Variants in ATP2A2 observed in about 807,000 individuals in gnomAD.
The protein encoded by ATP2A2 is ATPase sarcoplasmic/endoplasmic reticulum Ca2+ transporting 2.
A neutral mutation model predicts 109.3 loss-of-function variants in ATP2A2; 14 were observed. That is an observed-to-expected ratio of 0.13 (90% CI 0.08 to 0.20). The LOEUF (loss-of-function observed/expected upper bound fraction) is 0.20, where lower values mean the gene tolerates loss of function less well. Among genes scored for constraint, ATP2A2 ranks in the 10% least tolerant of loss-of-function variants. The probability of loss-of-function intolerance (pLI) is 1.00; values close to 1 mark genes in which losing one functional copy is unlikely to be tolerated. For missense variants in ATP2A2, 657 were observed against 1,321.6 expected (o/e 0.50, Z 7.80); for synonymous variants, 506 against 490.9 (o/e 1.03, Z -0.41).
At chr12:110,338,744 C>T (rs1046239494) in intron 11 of ATP2A2, among the ~76,000 whole-genome samples, 2 of 152,326 alleles carry the variant, frequency 1.3e-5, no homozygotes, top group East Asian at 3.9e-4. Flanking sequence ...TGAGACCCTC[C>T]GTTGTCTTCT....
rs1012904974 is a variant in ATP2A2, at chr12:110,281,730, C to G, written c.-60C>G. ...GTGGCACGAGCCCGCGGCCGGAGTG[C>G]GAGGCGGAGGCGAGGAGGCCGCGGG... On this transcript the variant is annotated 5_prime_UTR_variant, in exon 1 of 20. Transcript: ENST00000539276. 47 of 1,264,688 alleles carry G rather than the reference C, an allele frequency of 3.7e-5. No homozygotes were observed. The highest frequency in any genetic ancestry group is 4.5e-5 in the Non-Finnish European group (43 of 952,758). The allele number at this position is 1,264,688 out of a possible 1,614,324, so 78.3% of individuals were successfully genotyped here.
At chr12:110,294,873 G>A (rs1486949539) in intron 4 of ATP2A2, among the ~76,000 whole-genome samples, 1 of 152,072 alleles carries the variant, frequency 6.6e-6, no homozygotes, top group Admixed American at 6.6e-5. Flanking sequence ...AGGCTGGAGT[G>A]CAGTGGCACG....
At chr12:110,303,469 G>T (rs1340665765) in intron 5 of ATP2A2, among the ~76,000 whole-genome samples, 2 of 152,024 alleles carry the variant, frequency 1.3e-5, no homozygotes, top group Non-Finnish European at 2.9e-5. Context: ...GGAGTGCAGT[G>T]GCATGATCTT....
At position 110,341,030 on chromosome 12, in the gene ATP2A2, T is replaced by C. The variant is rs888577717; in HGVS notation, c.2097+36T>C. 1.9e-6 allele frequency: 3 copies of C among 1,607,690 alleles called. No homozygotes were observed. The African/African-American group carries it at 4.0e-5, about 21-fold the overall frequency. On this transcript the variant is annotated intron_variant, in intron 14 of 19. Transcript: ENST00000539276. The stretch of plus-strand genomic sequence containing the variant: ...TTGAACATGTACAGGTGACTCAGGC[T>C]ACACAAGCACATAGTAGCCTCTAAT...
chr12:110,298,075 T>A (rs1592805548), intron 5 of ATP2A2, among the ~76,000 whole-genome samples: 1 of 152,328 alleles, frequency 6.6e-6, no homozygotes, highest in African/African-American at 2.4e-5. Context: ...TTGTTGCTAT[T>A]TGTGAATTAT....
At chr12:110,293,367 CTT>C (rs1178977431) in intron 4 of ATP2A2, among the ~76,000 whole-genome samples, 1,604 of 79,798 alleles carry the variant, frequency 0.02, 35 homozygotes, top group Non-Finnish European at 0.028. Flanking sequence ...CACTCCCGGC[CTT>C]TTTTTTTTTT....
At position 110,349,101 on chromosome 12, in the gene ATP2A2, C is replaced by A. The variant is rs1880159381; in HGVS notation, c.*2631C>A. 2.0e-6 allele frequency: 2 copies of A among 985,500 alleles called. No homozygotes were observed. Among genetic ancestry groups the A allele is most frequent in the South Asian group, 9.4e-5 (2 of 21,294 alleles). 61.0% of individuals were successfully genotyped at this position (985,500 alleles called of 1,614,324 possible). A position where few individuals can be genotyped will look rare whatever the true frequency, so the allele number is the denominator to read the frequency against. On this transcript the variant is annotated 3_prime_UTR_variant, in exon 20 of 20. Coordinates refer to ENST00000539276, the MANE Select transcript of ATP2A2 (RefSeq NM_170665.4). The stretch of plus-strand genomic sequence containing the variant: ...CATGGAGGGACCCACTTCCCTTGGT[C>A]CAGACAGCTGGGAGTGGGTTAGGCC...
At position 110,347,668 on chromosome 12, in the gene ATP2A2, C is replaced by A; in HGVS notation, c.*1198C>A. On this transcript the variant is annotated 3_prime_UTR_variant, in exon 20 of 20. Coordinates refer to ENST00000539276, the MANE Select transcript of ATP2A2 (RefSeq NM_170665.4). The stretch of plus-strand genomic sequence containing the variant: ...TTTATTTGAATGTGGCACTAACCAC[C>A]ACCACCGTTACTACGATCAATGTTT... The A allele has an allele frequency of 8.5e-7, 1 of 1,175,572 alleles. No homozygotes were observed. Among genetic ancestry groups the A allele is most frequent in the Non-Finnish European group, 1.1e-6 (1 of 934,692 alleles). 72.8% of individuals were successfully genotyped at this position (1,175,572 alleles called of 1,614,324 possible).
chr12:110,302,626 G>T (rs1420080358), intron 5 of ATP2A2, among the ~76,000 whole-genome samples: 1 of 150,712 alleles, frequency 6.6e-6, no homozygotes, highest in Non-Finnish European at 1.5e-5. Flanking sequence ...TTGAGACAGG[G>T]TCTCACTCTG....
intron 6 of ATP2A2, among the ~76,000 whole-genome samples, chr12:110,324,709 C>T (rs921425883): frequency 1.3e-5 from 2 of 152,146 alleles, no homozygotes; most frequent in East Asian, 3.9e-4. Context: ...CATTTAAAAA[C>T]TTTTTAGGCT....
At chr12:110,336,351 A>G (rs1334501798) in intron 11 of ATP2A2, among the ~76,000 whole-genome samples, 1 of 152,136 alleles carries the variant, frequency 6.6e-6, no homozygotes, top group Non-Finnish European at 1.5e-5. Flanking sequence ...GGCAAGCCTC[A>G]TTTAGCAAAA....
intron 3 of ATP2A2, among the ~76,000 whole-genome samples, chr12:110,289,246 A>G (rs1873000156): frequency 6.6e-6 from 1 of 152,230 alleles, no homozygotes; most frequent in South Asian, 2.1e-4. Context: ...TGGAAAGGTC[A>G]TAGTTACTCT....
chr12:110,281,922 C>G lies in ATP2A2; in HGVS notation c.118+15C>G. On this transcript the variant is annotated intron_variant, in intron 1 of 19. Coordinates refer to ENST00000539276, the MANE Select transcript of ATP2A2 (RefSeq NM_170665.4). ...GGGCTCCAACGGTAGGTGCAGGGCG[C>G]TCCGCTGCAGGGGCCCGGCGCGGCC... is the stretch of plus-strand genomic sequence containing the variant. 1 of 1,559,160 alleles carries G rather than the reference C, an allele frequency of 6.4e-7. No homozygotes were observed. Among genetic ancestry groups the G allele is most frequent in the Non-Finnish European group, 8.7e-7 (1 of 1,153,160 alleles).
chr12:110,347,014 C>T lies in ATP2A2; in HGVS notation c.*544C>T, dbSNP rs769422753. 2.4e-4 allele frequency: 261 copies of T among 1,100,436 alleles called. No homozygotes were observed. The highest frequency in any genetic ancestry group is 4.4e-4 in the East Asian group (6 of 13,500). The allele number at this position is 1,100,436 out of a possible 1,614,324, so 68.2% of individuals were successfully genotyped here. A position where few individuals can be genotyped will look rare whatever the true frequency, so the allele number is the denominator to read the frequency against. ...TACTTCCCTCACCCACTTTGGCCTC[C>T]GTTCACCCCACCCCACCCCACCTCT... On this transcript the variant is annotated 3_prime_UTR_variant, in exon 20 of 20. Coordinates refer to ENST00000539276, the MANE Select transcript of ATP2A2 (RefSeq NM_170665.4).
rs1367352811 is a variant in ATP2A2, at chr12:110,350,164, A to G, written c.*3694A>G. On this transcript the variant is annotated 3_prime_UTR_variant, in exon 20 of 20. Coordinates refer to ENST00000539276, the MANE Select transcript of ATP2A2 (RefSeq NM_170665.4). ...GTAAATCAGAAATGCTGGTCTTGAA[A>G]CCTTGAAAAGATCAAGCTGAATGTT... 5 of 1,587,344 alleles carry G rather than the reference A, an allele frequency of 3.1e-6. No homozygotes were observed. The highest frequency in any genetic ancestry group is 4.3e-6 in the Non-Finnish European group (5 of 1,166,698).
intron 8 of ATP2A2, chr12:110,331,895 T>C (rs1260933620): frequency 6.6e-6 from 1 of 152,226 alleles, no homozygotes; most frequent in Non-Finnish European, 1.5e-5. Flanking sequence ...AAAAATTATC[T>C]TTAAGAAAAT....
At position 110,349,654 on chromosome 12, in the gene ATP2A2, A is replaced by T. The variant is rs1021524517; in HGVS notation, c.*3184A>T. The T allele has an allele frequency of 1.6e-4, 159 of 988,056 alleles. No homozygotes were observed. Among genetic ancestry groups the T allele is most frequent in the Non-Finnish European group, 1.9e-4 (156 of 831,520 alleles). The allele number at this position is 988,056 out of a possible 1,614,324, so 61.2% of individuals were successfully genotyped here. A position where few individuals can be genotyped will look rare whatever the true frequency, so the allele number is the denominator to read the frequency against. On this transcript the variant is annotated 3_prime_UTR_variant, in exon 20 of 20. Transcript: ENST00000539276. ...CAGACCTAAGACCTGAGACCACAAG[A>T]TTAGCTCAGTGTCTACCAAGCATCT...
chr12:110,299,986 C>T (rs1050557535), intron 5 of ATP2A2, among the ~76,000 whole-genome samples: 3 of 151,498 alleles, frequency 2.0e-5, no homozygotes, highest in Admixed American at 2.0e-4. Context: ...GAACTCCCGA[C>T]CTCAGGTGGT....
chr12:110,334,277 C>T lies in ATP2A2; in HGVS notation c.1419+134C>T, dbSNP rs1404324467. 3 of 1,094,422 alleles carry T rather than the reference C, an allele frequency of 2.7e-6. No homozygotes were observed. In the African/African-American group the frequency reaches 4.7e-5, roughly 17 times the overall value. 67.8% of individuals were successfully genotyped at this position (1,094,422 alleles called of 1,614,324 possible). On this transcript the variant is annotated intron_variant, in intron 11 of 19. Transcript: ENST00000539276. ...CTCAAACTTACAGTATTTCCTTCCCCATATTCACTCTCAGGTAAGATGCTC... is the reference window on the plus strand; with the variant it reads ...CTCAAACTTACAGTATTTCCTTCCCTATATTCACTCTCAGGTAAGATGCTC...
Sources: gnomAD v4.1 joint callset for allele counts (sites outside exome capture counted in the v4.1 genomes callset) on GRCh38, gnomAD v4.1.1 for gene constraint, MANE v1.5 for transcripts, NCBI Gene and HGNC (gene_info 2026-07-23, HGNC 2026-07-21) for gene names.